NDUFAF7: variants seen among roughly 807,000 people sequenced by gnomAD.
The protein encoded by NDUFAF7 is NADH:ubiquinone oxidoreductase complex assembly factor 7.
Under a neutral mutation model 47.2 loss-of-function variants are expected in NDUFAF7, and 48 were observed. The observed-to-expected ratio is 1.02, with a 90% confidence interval of 0.81 to 1.29. The LOEUF is 1.29. Ranked by LOEUF, NDUFAF7 falls within the 50% of genes most tolerant of loss-of-function variation. The probability of loss-of-function intolerance (pLI) is 0.00; values close to 1 mark genes in which losing one functional copy is unlikely to be tolerated. For synonymous variants in NDUFAF7, 217 were observed against 190.0 expected (o/e 1.14, Z -1.17); for missense variants, 635 against 537.6 (o/e 1.18, Z -1.79).
downstream of NDUFAF7, chr2:37,252,847 T>TATA (rs1667612720): frequency 5.5e-5 from 8 of 145,036 alleles, no homozygotes; most frequent in South Asian, 2.2e-4. Flanking sequence ...ATATTTATAT[T>TATA]TATATATATA....
intron 3 of NDUFAF7, 33 bp downstream of exon 3, chr2:37,236,209 A>T (rs200881144): frequency 6.7e-7 from 1 of 1,493,600 alleles, no homozygotes; most frequent in East Asian, 2.3e-5. Flanking sequence ...AATGAAGCTA[A>T]TATAAACATT....
At chr2:37,260,052 A>G in the NDUFAF7 span, among the ~76,000 whole-genome samples, 2 of 151,888 alleles carry the variant, frequency 1.3e-5, no homozygotes, top group African/African-American at 4.8e-5. Context: ...GCAATCCTAG[A>G]TACTTGGGAG....
downstream of NDUFAF7, among the ~76,000 whole-genome samples, chr2:37,255,947 G>A (rs150566927): frequency 1.7e-3 from 261 of 152,282 alleles, 1 homozygote; most frequent in African/African-American, 6.1e-3. Context: ...CCAGGAAGTC[G>A]AGGCTGCAGT....
the NDUFAF7 span, among the ~76,000 whole-genome samples, chr2:37,266,988 T>C: frequency 6.6e-6 from 1 of 152,214 alleles, no homozygotes; most frequent in East Asian, 1.9e-4. Flanking sequence ...ATTGAAATCA[T>C]TGCCAATATA....
At chr2:37,270,978 CCTT>C in the NDUFAF7 span, among the ~76,000 whole-genome samples, 5 of 152,256 alleles carry the variant, frequency 3.3e-5, no homozygotes, top group East Asian at 1.9e-4. Context: ...TGATATTCCT[CCTT>C]ATCTCCCCAA....
chr2:37,261,189 TA>T, the NDUFAF7 span, among the ~76,000 whole-genome samples: 4 of 152,244 alleles, frequency 2.6e-5, no homozygotes, highest in Admixed American at 2.6e-4. Flanking sequence ...TTTTATTCCT[TA>T]TTAATAAAGA....
chr2:37,266,449 C>T, the NDUFAF7 span, among the ~76,000 whole-genome samples: 1 of 151,612 alleles, frequency 6.6e-6, no homozygotes, highest in African/African-American at 2.4e-5. Context: ...TCTCAGCCTC[C>T]CAAGTAGCTT....
intron 8 of NDUFAF7, 55 bp from the exon 9 acceptor site, chr2:37,247,399 ATT>A: frequency 1.3e-6 from 2 of 1,573,226 alleles, no homozygotes; most frequent in Non-Finnish European, 8.7e-7. Flanking sequence ...ATATGATAGC[ATT>A]TCTTTAATCT....
chr2:37,233,276 C>G (rs1328882907), intron 2 of NDUFAF7, among the ~76,000 whole-genome samples: 1 of 152,214 alleles, frequency 6.6e-6, no homozygotes, highest in African/African-American at 2.4e-5. Context: ...GCATTTTATA[C>G]ATATTTTGTT....
rs569071751 is a variant in NDUFAF7, at chr2:37,248,605, T to C, written c.*255T>C. The C allele has an allele frequency of 2.1e-6, 1 of 479,630 alleles. No individual in the cohort carries two copies. The highest frequency in any genetic ancestry group is 3.3e-5 in the Admixed American group (1 of 30,262). 29.7% of individuals were successfully genotyped at this position (479,630 alleles called of 1,614,324 possible). A position where few individuals can be genotyped will look rare whatever the true frequency, so the allele number is the denominator to read the frequency against. On this transcript the variant is annotated 3_prime_UTR_variant, in exon 10 of 10. Coordinates refer to ENST00000002125, the MANE Select transcript of NDUFAF7 (RefSeq NM_144736.5). ...AACTTACAAAGCTAGTTGCCATATT[T>C]CTATTTTATTTTAAAAAGTAAACAT...
At chr2:37,269,393 C>A in the NDUFAF7 span, 3 of 541,666 alleles carry the variant, frequency 5.5e-6, no homozygotes, top group Non-Finnish European at 9.9e-6. Flanking sequence ...ATAAAACACA[C>A]TGTAAAATTT....
At chr2:37,259,052 G>GAAA in the NDUFAF7 span, among the ~76,000 whole-genome samples, 74 of 148,772 alleles carry the variant, frequency 5.0e-4, no homozygotes, top group South Asian at 0.014. Context: ...TGAACACTTG[G>GAAA]AAAAAAAAAA....
intron 2 of NDUFAF7, among the ~76,000 whole-genome samples, chr2:37,232,660 T>C (rs1572521136): frequency 6.6e-6 from 1 of 152,096 alleles, no homozygotes; most frequent in South Asian, 2.1e-4. Context: ...TAGGTAGAAA[T>C]CTCCAACAGG....
At chr2:37,235,326 T>G (rs1405250336) in intron 2 of NDUFAF7, among the ~76,000 whole-genome samples, 1 of 151,838 alleles carries the variant, frequency 6.6e-6, no homozygotes, top group East Asian at 1.9e-4. Flanking sequence ...AACCACAAGT[T>G]TACAGCTCAA....
At chr2:37,244,120 G>A in intron 7 of NDUFAF7, 147 bp downstream of exon 7, 2 of 704,052 alleles carry the variant, frequency 2.8e-6, no homozygotes, top group East Asian at 2.7e-5. Context: ...CAGTGAAAGT[G>A]CAGAGGAGCT....
At chr2:37,249,449 C>T (rs570789743), downstream of NDUFAF7, among the ~76,000 whole-genome samples, 82 of 151,764 alleles carry the variant, frequency 5.4e-4, no homozygotes, top group South Asian at 0.014. Flanking sequence ...TGGTGGTGGG[C>T]GCCTGTAATC....
chr2:37,269,023 A>G, the NDUFAF7 span: 1 of 153,936 alleles, frequency 6.5e-6, no homozygotes, highest in Non-Finnish European at 1.4e-5. Flanking sequence ...TTAGCAAGGG[A>G]TAACAAGGGT....
intron 5 of NDUFAF7, 103 bp downstream of exon 5, chr2:37,241,894 C>A: frequency 9.9e-7 from 1 of 1,008,528 alleles, no homozygotes; most frequent in Non-Finnish European, 1.5e-6. Context: ...TGAGTTACTG[C>A]TGCCAAGTCC....
At chr2:37,240,050 T>C (rs897379287) in intron 4 of NDUFAF7, among the ~76,000 whole-genome samples, 1 of 152,218 alleles carries the variant, frequency 6.6e-6, no homozygotes, top group Non-Finnish European at 1.5e-5. Flanking sequence ...TAAGTAATAG[T>C]ATTTATTAAA....
Sources: gnomAD v4.1 joint callset for allele counts (sites outside exome capture counted in the v4.1 genomes callset) on GRCh38, gnomAD v4.1.1 for gene constraint, MANE v1.5 for transcripts, NCBI Gene and HGNC (gene_info 2026-07-23, HGNC 2026-07-21) for gene names.